GALNT5: variants seen among roughly 807,000 people sequenced by gnomAD.
GALNT5 encodes polypeptide N-acetylgalactosaminyltransferase 5.
GALNT5 carries 72 observed loss-of-function variants against 85.4 expected under a neutral mutation model. The ratio of observed to expected loss-of-function variants is 0.84; its 90% CI spans 0.70 to 1.03. The LOEUF (loss-of-function observed/expected upper bound fraction) is 1.03, where lower values mean the gene tolerates loss of function less well. Ranked by LOEUF, GALNT5 falls within the 50% of genes least tolerant of loss-of-function variation. GALNT5 has a pLI of 0.00. For synonymous variants in GALNT5, 404 were observed against 397.0 expected (o/e 1.02, Z -0.21); for missense variants, 1,137 against 1,135.5 (o/e 1.00, Z -0.02).
At chr2:157,277,915 A>T (rs563427854) in intron 1 of GALNT5, among the ~76,000 whole-genome samples, 1 of 152,294 alleles carries the variant, frequency 6.6e-6, no homozygotes, top group East Asian at 1.9e-4. Flanking sequence ...TCTTCATAGC[A>T]TCGATGGTCT....
chr2:157,261,783 T>C (rs1420303995), intron 1 of GALNT5, among the ~76,000 whole-genome samples: 1 of 152,216 alleles, frequency 6.6e-6, no homozygotes, highest in Non-Finnish European at 1.5e-5. Context: ...CAAAAAACAT[T>C]TGATTCATCA....
At chr2:157,285,017 C>G (rs1682940670) in intron 2 of GALNT5, among the ~76,000 whole-genome samples, 1 of 152,226 alleles carries the variant, frequency 6.6e-6, no homozygotes, top group Admixed American at 6.5e-5. Flanking sequence ...TGAAGAATCT[C>G]ACTCTTTGGG....
intron 1 of GALNT5, among the ~76,000 whole-genome samples, chr2:157,281,694 G>A (rs1045518441): frequency 1.3e-5 from 2 of 152,196 alleles, no homozygotes; most frequent in African/African-American, 4.8e-5. Flanking sequence ...GCAAAAATAT[G>A]AGCATTGTAA....
At chr2:157,271,951 T>C (rs1682594387) in intron 1 of GALNT5, among the ~76,000 whole-genome samples, 2 of 152,056 alleles carry the variant, frequency 1.3e-5, no homozygotes, top group African/African-American at 2.4e-5. Context: ...TTGTGTTTCT[T>C]AAGAGGAAAG....
intron 1 of GALNT5, 108 bp downstream of exon 1, chr2:157,259,644 T>A: frequency 1.4e-6 from 1 of 732,254 alleles, no homozygotes; most frequent in Non-Finnish European, 2.0e-6. Flanking sequence ...CCTAGAGAAT[T>A]AAAGAAACAT....
At chr2:157,302,192 G>A (rs1450638742) in intron 7 of GALNT5, 5 of 152,012 alleles carry the variant, frequency 3.3e-5, no homozygotes. Flanking sequence ...GCCCTTTTAG[G>A]CCAAATTTTT....
At chr2:157,310,326 A>G (rs1032698468) in intron 9 of GALNT5, among the ~76,000 whole-genome samples, 3 of 152,112 alleles carry the variant, frequency 2.0e-5, no homozygotes, top group Admixed American at 6.6e-5. Context: ...AGTAGTTTTC[A>G]TGCTATTGCT....
intron 1 of GALNT5, among the ~76,000 whole-genome samples, chr2:157,271,305 A>T (rs1682579454): frequency 6.6e-6 from 1 of 152,150 alleles, no homozygotes; most frequent in South Asian, 2.1e-4. Context: ...GTGAGGGGAG[A>T]GTGGAATGAC....
rs140656094 is a variant in GALNT5 at position 157,299,614 on chromosome 2, C to T, written c.2064C>T (p.Tyr688=). ...GTTACTTTTTTGAACTTGGAACATA[C>T]GACCCTGGCCTTGATGTTTGGGGTG... The part of the protein sequence containing the change: ...DKSYFFELGT[Y]DPGLDVWGGE... The change falls in exon 6 of 10, where the codon TAC becomes TAT. Residue 688 remains tyrosine, a synonymous_variant. Coordinates refer to ENST00000259056, the MANE Select transcript of GALNT5 (RefSeq NM_014568.3). The T allele has an allele frequency of 4.1e-5, 66 of 1,612,702 alleles. No individual in the cohort carries two copies. The African/African-American group carries it at 7.1e-4, about 17-fold the overall frequency.
intron 1 of GALNT5, among the ~76,000 whole-genome samples, chr2:157,269,596 T>TA (rs1558891001): frequency 6.6e-6 from 1 of 152,142 alleles, no homozygotes; most frequent in Admixed American, 6.5e-5. Flanking sequence ...AGGGTACTAA[T>TA]AGTGAAATTA....
intron 5 of GALNT5, among the ~76,000 whole-genome samples, chr2:157,296,843 T>C (rs1374608079): frequency 6.6e-6 from 1 of 152,182 alleles, no homozygotes; most frequent in Non-Finnish European, 1.5e-5. Flanking sequence ...AAAGTAAACA[T>C]AAGTGCAAAT....
intron 8 of GALNT5, among the ~76,000 whole-genome samples, chr2:157,307,796 C>T (rs1029951002): frequency 6.6e-6 from 1 of 152,082 alleles, no homozygotes; most frequent in Non-Finnish European, 1.5e-5. Flanking sequence ...TATATTAGTA[C>T]AAAACGATAA....
At chr2:157,291,569 G>C (rs1458396440) in intron 3 of GALNT5, among the ~76,000 whole-genome samples, 1 of 152,040 alleles carries the variant, frequency 6.6e-6, no homozygotes, top group Non-Finnish European at 1.5e-5. Flanking sequence ...GGATATAAGT[G>C]GGGGTCCATG....
chr2:157,292,877 T>C (rs1471105670), intron 3 of GALNT5, among the ~76,000 whole-genome samples: 2 of 152,144 alleles, frequency 1.3e-5, no homozygotes, highest in Non-Finnish European at 2.9e-5. Flanking sequence ...TTGATTTTTG[T>C]ATTTTTAGTA....
At chr2:157,307,413 A>G (rs1683477185) in intron 8 of GALNT5, among the ~76,000 whole-genome samples, 1 of 152,182 alleles carries the variant, frequency 6.6e-6, no homozygotes, top group African/African-American at 2.4e-5. Context: ...TTAGTTATTA[A>G]CCTTTAAAGC....
At chr2:157,265,011 A>AG (rs1682427096) in intron 1 of GALNT5, among the ~76,000 whole-genome samples, 1 of 152,140 alleles carries the variant, frequency 6.6e-6, no homozygotes, top group Admixed American at 6.5e-5. Context: ...AATTGGAGGC[A>AG]GGGAAAAAAA....
rs76056434 is a variant in GALNT5, at chr2:157,266,509, A to G, written c.1454+6973A>G. On this transcript the variant is annotated intron_variant, in intron 1 of 9. Coordinates refer to ENST00000259056, the MANE Select transcript of GALNT5 (RefSeq NM_014568.3). ...CCATTGCTCAGCTTCACACACAAAG[A>G]AAATGCTTAGTTTTGTTTCAGTCAG... Among the ~76,000 whole-genome samples, 1,024 of 152,308 alleles carry G rather than the reference A, an allele frequency of 6.7e-3. 12 individuals carry two copies. The highest frequency in any genetic ancestry group is 0.022 in the African/African-American group (929 of 41,552).
At chr2:157,275,411 T>TCAGTGGGCAGTATG (rs1375975524) in intron 1 of GALNT5, among the ~76,000 whole-genome samples, 4 of 152,346 alleles carry the variant, frequency 2.6e-5, no homozygotes, top group Admixed American at 2.6e-4. Context: ...ATCTATAAAT[T>TCAGTGGGCAGTATG]ACTATGGGCA....
At chr2:157,278,168 G>A (rs1682778960) in intron 1 of GALNT5, among the ~76,000 whole-genome samples, 1 of 152,234 alleles carries the variant, frequency 6.6e-6, no homozygotes, top group Non-Finnish European at 1.5e-5. Flanking sequence ...CGTCTGGCTT[G>A]TAGAGTTTCT....
Sources: gnomAD v4.1 joint callset for allele counts (sites outside exome capture counted in the v4.1 genomes callset) on GRCh38, gnomAD v4.1.1 for gene constraint, MANE v1.5 for transcripts, NCBI Gene and HGNC (gene_info 2026-07-23, HGNC 2026-07-21) for gene names.